Variants in SHANK2 observed in about 807,000 individuals in gnomAD.
The protein encoded by SHANK2 is SH3 and multiple ankyrin repeat domains 2, also known as SH3 and multiple ankyrin repeat domains protein 2.
SHANK2 carries 43 observed loss-of-function variants against 133.7 expected under a neutral mutation model. The ratio of observed to expected loss-of-function variants is 0.32; its 90% CI spans 0.25 to 0.41. SHANK2 has a LOEUF of 0.41. SHANK2 is among the 10% of genes least tolerant of loss of function. SHANK2 has a pLI of 1.00. For synonymous variants in SHANK2, 1,017 were observed against 952.8 expected, an observed-to-expected ratio of 1.07 and a Z score of -1.24; for missense variants, 1,994 against 2,235.8, an observed-to-expected ratio of 0.89 and a Z score of 2.18.
chr11:70,599,008 C>T (rs2060439641), intron 17 of SHANK2, among the ~76,000 whole-genome samples: 1 of 147,152 alleles, frequency 6.8e-6, no homozygotes, highest in Non-Finnish European at 1.5e-5. Flanking sequence ...AGCAGGTATT[C>T]CCACTATTCC....
chr11:70,780,933 T>C (rs1416893999), intron 14 of SHANK2, among the ~76,000 whole-genome samples: 1 of 152,146 alleles, frequency 6.6e-6, no homozygotes, highest in Non-Finnish European at 1.5e-5. Flanking sequence ...GTTGTTGTTG[T>C]TTTAACGCAG....
At chr11:70,743,067 G>A (rs1946563194) in intron 14 of SHANK2, among the ~76,000 whole-genome samples, 1 of 152,174 alleles carries the variant, frequency 6.6e-6, no homozygotes, top group African/African-American at 2.4e-5. Context: ...CTGGGAGATG[G>A]GAGGTGCCTG....
chr11:71,066,892 C>T (rs926551793), intron 9 of SHANK2, among the ~76,000 whole-genome samples: 313 of 152,256 alleles, frequency 2.1e-3, no homozygotes, highest in Non-Finnish European at 4.0e-3. Context: ...CCCTCACTGC[C>T]GTGGACATAG....
intron 11 of SHANK2, among the ~76,000 whole-genome samples, chr11:70,871,221 T>C (rs1949455173): frequency 6.6e-6 from 1 of 152,194 alleles, no homozygotes; most frequent in African/African-American, 2.4e-5. Context: ...CTTCAACATA[T>C]GCATTTGCAG....
At chr11:70,910,500 C>A (rs1489163725) in intron 10 of SHANK2, among the ~76,000 whole-genome samples, 1 of 152,162 alleles carries the variant, frequency 6.6e-6, no homozygotes, top group Non-Finnish European at 1.5e-5. Flanking sequence ...AAAAGTGTCA[C>A]ACCCACCGAA....
chr11:70,813,843 C>A (rs1056741464), intron 12 of SHANK2, among the ~76,000 whole-genome samples: 1 of 152,204 alleles, frequency 6.6e-6, no homozygotes, highest in Admixed American at 6.5e-5. Flanking sequence ...CTGTGCGTCT[C>A]GGGCCTGAGG....
chr11:71,223,823 G>A (rs1401822786), intron 2 of SHANK2, among the ~76,000 whole-genome samples: 1 of 152,224 alleles, frequency 6.6e-6, no homozygotes, highest in African/African-American at 2.4e-5. Context: ...AAATGACGGA[G>A]AGGAACTGGA....
At chr11:70,835,857 C>A (rs1347203570) in intron 11 of SHANK2, among the ~76,000 whole-genome samples, 2 of 152,142 alleles carry the variant, frequency 1.3e-5, no homozygotes, top group African/African-American at 4.8e-5. Flanking sequence ...ACAGGCTAGA[C>A]AAACCCAGGC....
At chr11:70,955,498 C>A (rs1305851495) in intron 10 of SHANK2, among the ~76,000 whole-genome samples, 1 of 151,300 alleles carries the variant, frequency 6.6e-6, no homozygotes, top group African/African-American at 2.4e-5. Context: ...TATATTTACA[C>A]ATATATTTGT....
chr11:71,121,505 T>C (rs1952083674), intron 3 of SHANK2, among the ~76,000 whole-genome samples: 1 of 152,352 alleles, frequency 6.6e-6, no homozygotes, highest in African/African-American at 2.4e-5. Context: ...TTTTCTCCCA[T>C]TCTGTAGATT....
At chr11:71,182,921 G>A (rs1953588615) in intron 2 of SHANK2, among the ~76,000 whole-genome samples, 1 of 152,158 alleles carries the variant, frequency 6.6e-6, no homozygotes, top group African/African-American at 2.4e-5. Flanking sequence ...CTGCATCACA[G>A]TGTGGGAATC....
chr11:70,789,523 G>A (rs1456237800), intron 14 of SHANK2, among the ~76,000 whole-genome samples: 6 of 152,150 alleles, frequency 3.9e-5, no homozygotes, highest in South Asian at 2.1e-4. Flanking sequence ...GAGTCAGCCA[G>A]AAGATTCCGG....
chr11:70,484,892 A>T (rs1555152535), intron 25 of SHANK2, among the ~76,000 whole-genome samples: 2 of 152,024 alleles, frequency 1.3e-5, no homozygotes, highest in African/African-American at 4.8e-5. Flanking sequence ...CCCACCGCCC[A>T]CCCACTCGCT....
chr11:71,236,554 G>C (rs543534252), intron 1 of SHANK2, among the ~76,000 whole-genome samples: 1 of 152,216 alleles, frequency 6.6e-6, no homozygotes, highest in South Asian at 2.1e-4. Flanking sequence ...GGAGGTTGCA[G>C]TGAGCCGAGA....
At chr11:71,080,355 G>A (rs1203650772) in intron 8 of SHANK2, among the ~76,000 whole-genome samples, 1 of 152,078 alleles carries the variant, frequency 6.6e-6, no homozygotes, top group Non-Finnish European at 1.5e-5. Flanking sequence ...GCAACCACAA[G>A]ACTTGGTGTG....
intron 14 of SHANK2, among the ~76,000 whole-genome samples, chr11:70,778,304 C>A (rs571574962): frequency 1.7e-4 from 26 of 152,318 alleles, no homozygotes; most frequent in African/African-American, 5.8e-4. Flanking sequence ...TCGGCTCACA[C>A]AACAAAATGG....
chr11:71,215,855 G>A (rs139563674), intron 2 of SHANK2, among the ~76,000 whole-genome samples: 41 of 152,260 alleles, frequency 2.7e-4, no homozygotes, highest in African/African-American at 3.9e-4. Context: ...TCAGGCTCCC[G>A]CAGCACCTAC....
chr11:70,651,931 C>T (rs2061343832), intron 17 of SHANK2, among the ~76,000 whole-genome samples: 1 of 152,148 alleles, frequency 6.6e-6, no homozygotes, highest in African/African-American at 2.4e-5. Flanking sequence ...GTCATCAGGT[C>T]CACCAGCAGG....
intron 10 of SHANK2, among the ~76,000 whole-genome samples, chr11:70,899,879 T>C (rs1949999755): frequency 6.6e-6 from 1 of 152,224 alleles, no homozygotes; most frequent in African/African-American, 2.4e-5. Context: ...GTGGAGGGCA[T>C]GGGCTCTGGC....
Sources: allele counts gnomAD v4.1 joint callset (sites outside exome capture counted in the v4.1 genomes callset), GRCh38; gene constraint gnomAD v4.1.1; transcripts MANE v1.5; gene names NCBI Gene and HGNC (gene_info 2026-07-23, HGNC 2026-07-21).